Variants in NXPE3 observed in about 807,000 individuals in gnomAD.
NXPE3 encodes neurexophilin and PC-esterase domain family member 3, also known as NXPE family member 3.
In NXPE3, 26 loss-of-function variants were observed where a neutral mutation model predicts 46.1. That is an observed-to-expected ratio of 0.56 (90% CI 0.41 to 0.78). The LOEUF (loss-of-function observed/expected upper bound fraction) is 0.78, where lower values mean the gene tolerates loss of function less well. Ranked by LOEUF, NXPE3 falls within the 30% of genes least tolerant of loss-of-function variation. The pLI is 0.00. For synonymous variants in NXPE3, 272 were observed against 257.9 expected, an observed-to-expected ratio of 1.05 and a Z score of -0.52; for missense variants, 620 against 686.0, an observed-to-expected ratio of 0.90 and a Z score of 1.07.
At chr3:101,789,305 A>G (rs905908842) in intron 4 of NXPE3, among the ~76,000 whole-genome samples, 2 of 152,154 alleles carry the variant, frequency 1.3e-5, no homozygotes, top group Non-Finnish European at 2.9e-5. Flanking sequence ...GCACTTTGGG[A>G]GGCTGAGACA....
At position 101,785,699 on chromosome 3, in the gene NXPE3, C is replaced by A; in HGVS notation, c.93+10C>A. On this transcript the variant is annotated intron_variant, in intron 4 of 7. Coordinates refer to ENST00000273347, the MANE Select transcript of NXPE3 (RefSeq NM_145037.4). Reference sequence around the variant, plus strand: ...TGTTACTCAGGTAGAGGTGAGTACCCAGTATAATCCCTCATAACTAAGGGA... The same window carrying A: ...TGTTACTCAGGTAGAGGTGAGTACCAAGTATAATCCCTCATAACTAAGGGA... 6.2e-7 allele frequency: 1 copy of A among 1,602,936 alleles called. No individual in the cohort carries two copies. Among genetic ancestry groups the A allele is most frequent in the South Asian group, 1.1e-5 (1 of 90,850 alleles).
At chr3:101,814,516 G>A (rs1281703190) in intron 6 of NXPE3, among the ~76,000 whole-genome samples, 1 of 152,166 alleles carries the variant, frequency 6.6e-6, no homozygotes, top group Non-Finnish European at 1.5e-5. Flanking sequence ...GTGTCAAATA[G>A]AACATCATCT....
intron 6 of NXPE3, among the ~76,000 whole-genome samples, chr3:101,815,651 A>G (rs1435244713): frequency 1.3e-5 from 2 of 152,014 alleles, no homozygotes; most frequent in Non-Finnish European, 2.9e-5. Context: ...ATCACTTGAG[A>G]TCAGAAGTTT....
Position 101,827,596 on chromosome 3 carries a change from C to CAACT in NXPE3, c.*5643_*5646dup, listed in dbSNP as rs1165123064. On this transcript the variant is annotated 3_prime_UTR_variant, in exon 8 of 8. Coordinates refer to ENST00000273347, the MANE Select transcript of NXPE3 (RefSeq NM_145037.4). ...AGATGAGGTGAATCTAATGAGAAGG[C>CAACT]AACTCTAATGCCCATCAGGAGATTC... Among the ~76,000 whole-genome samples the CAACT allele has an allele frequency of 1.3e-5, 2 of 152,138 alleles. No individual in the cohort carries two copies. The highest frequency in any genetic ancestry group is 3.9e-4 in the East Asian group (2 of 5,178).
chr3:101,816,001 A>T (rs1474942113), intron 6 of NXPE3, among the ~76,000 whole-genome samples: 1 of 151,608 alleles, frequency 6.6e-6, no homozygotes, highest in Non-Finnish European at 1.5e-5. Context: ...TCTCGGAAAA[A>T]AAAAAAGCAA....
chr3:101,792,522 C>T (rs1031444481), intron 4 of NXPE3, among the ~76,000 whole-genome samples: 1 of 152,130 alleles, frequency 6.6e-6, no homozygotes, highest in Non-Finnish European at 1.5e-5. Context: ...AATAGGGAGT[C>T]TTTTCCTCAT....
In NXPE3 at chr3:101,822,184, C is replaced by CCCACCGAG; in HGVS notation, c.*230_*231insCCACCGAG. On this transcript the variant is annotated 3_prime_UTR_variant, in exon 8 of 8. Transcript: ENST00000273347. ...TTAGCCATGGTAGAACTCTTAACTG[C>CCCACCGAG]ATCTACACACTATATTGCTCTTGTA... is the stretch of plus-strand genomic sequence containing the variant. 2.1e-6 allele frequency: 1 copy of CCCACCGAG among 465,836 alleles called. No homozygotes were observed. The highest frequency in any genetic ancestry group is 3.8e-6 in the Non-Finnish European group (1 of 260,726). The allele number at this position is 465,836 out of a possible 1,614,324, so 28.9% of individuals were successfully genotyped here.
chr3:101,819,344 G>C (rs1942143617), intron 7 of NXPE3, among the ~76,000 whole-genome samples: 1 of 152,208 alleles, frequency 6.6e-6, no homozygotes, highest in Non-Finnish European at 1.5e-5. Context: ...AACAAGGACT[G>C]CCACTGATTC....
At chr3:101,815,765 G>T (rs1367874876) in intron 6 of NXPE3, among the ~76,000 whole-genome samples, 3 of 152,166 alleles carry the variant, frequency 2.0e-5, no homozygotes, top group African/African-American at 7.2e-5. Flanking sequence ...TTGGGAGGCC[G>T]AGGTGGGTGA....
At chr3:101,783,253 A>G (rs529852223) in intron 3 of NXPE3, among the ~76,000 whole-genome samples, 1 of 151,986 alleles carries the variant, frequency 6.6e-6, no homozygotes, top group Non-Finnish European at 1.5e-5. Flanking sequence ...AGTAGAGACA[A>G]GGTTTCACCA....
rs146727869 is a variant in NXPE3 at position 101,820,614 on chromosome 3, G to A, written c.1130-790G>A. ...CAGCGCTGTTCACGACAGCAAAGAC[G>A]TGGAATCAACCTAAATGCCCATCAG... On this transcript the variant is annotated intron_variant, in intron 7 of 7. Coordinates refer to ENST00000273347, the MANE Select transcript of NXPE3 (RefSeq NM_145037.4). 2.8e-3 allele frequency among the ~76,000 whole-genome samples: 428 copies of A among 152,286 alleles called. 3 individuals are homozygous for A. The highest frequency in any genetic ancestry group is 9.2e-3 in the African/African-American group (384 of 41,556).
In NXPE3 at chr3:101,809,766, G is replaced by A. The variant is rs556773522; in HGVS notation, c.922+2640G>A. On this transcript the variant is annotated intron_variant, in intron 6 of 7. Transcript: ENST00000273347. ...CAAATTGTTCCAGTTTTGGCAGTTG[G>A]GGAACACTTTCAGTTTGGCTTCTTT... Among the ~76,000 whole-genome samples the A allele has an allele frequency of 7.9e-5, 12 of 152,014 alleles. 1 individual carries two copies. Among genetic ancestry groups the A allele is most frequent in the Non-Finnish European group, 1.8e-4 (12 of 67,986 alleles).
chr3:101,802,208 C>T (rs917693569), intron 5 of NXPE3, among the ~76,000 whole-genome samples: 1 of 152,040 alleles, frequency 6.6e-6, no homozygotes, highest in African/African-American at 2.4e-5. Flanking sequence ...AAATTAAAGA[C>T]CTTTTACCCT....
At chr3:101,811,786 T>G (rs1941720990) in intron 6 of NXPE3, among the ~76,000 whole-genome samples, 1 of 143,906 alleles carries the variant, frequency 6.9e-6, no homozygotes, top group Non-Finnish European at 1.5e-5. Flanking sequence ...CAGGCTGGAG[T>G]GCAGTAGTGT....
At chr3:101,790,509 G>A (rs990608604) in intron 4 of NXPE3, among the ~76,000 whole-genome samples, 25 of 152,098 alleles carry the variant, frequency 1.6e-4, no homozygotes, top group African/African-American at 5.1e-4. Context: ...TCTTTGCTCC[G>A]AAATGTACTC....
rs71315258 is a variant in NXPE3, at chr3:101,800,000, A to G, written c.94-1235A>G. Among the ~76,000 whole-genome samples, 489 of 152,100 alleles carry G rather than the reference A, an allele frequency of 3.2e-3. 1 individual carries two copies. The highest frequency in any genetic ancestry group is 4.5e-3 in the Non-Finnish European group (303 of 67,976). ...GGCTTATCAATTTTATCAATCTTTT[A>G]AAAAACCAGCTTTGGGTTTCATTGA... On this transcript the variant is annotated intron_variant, in intron 4 of 7. Transcript: ENST00000273347.
chr3:101,795,147 A>G (rs1236471863), intron 4 of NXPE3, among the ~76,000 whole-genome samples: 9 of 152,214 alleles, frequency 5.9e-5, no homozygotes, highest in Non-Finnish European at 8.8e-5. Context: ...TTTCCATACT[A>G]TGCTTCTGAC....
chr3:101,796,632 T>G (rs1940844747), intron 4 of NXPE3, among the ~76,000 whole-genome samples: 1 of 152,222 alleles, frequency 6.6e-6, no homozygotes, highest in Non-Finnish European at 1.5e-5. Flanking sequence ...ATCAGTAAGT[T>G]AATAAAGGGA....
rs948573203 is a variant in NXPE3 at position 101,825,460 on chromosome 3, T to C, written c.*3506T>C. ...AAATGTATATTTCCCAATATAAATATAAGGGGCATCATAATTTTTAAAAAC... is the reference window on the plus strand; with the variant it reads ...AAATGTATATTTCCCAATATAAATACAAGGGGCATCATAATTTTTAAAAAC... On this transcript the variant is annotated 3_prime_UTR_variant, in exon 8 of 8. Coordinates refer to ENST00000273347, the MANE Select transcript of NXPE3 (RefSeq NM_145037.4). 2 of 152,206 alleles carry C rather than the reference T, an allele frequency of 1.3e-5. No homozygotes were observed. Among genetic ancestry groups the C allele is most frequent in the African/African-American group, 4.8e-5 (2 of 41,458 alleles). The allele number at this position is 152,206 out of a possible 1,614,324, so 9.4% of individuals were successfully genotyped here. A position where few individuals can be genotyped will look rare whatever the true frequency, so the allele number is the denominator to read the frequency against.
Sources: allele counts gnomAD v4.1 joint callset (sites outside exome capture counted in the v4.1 genomes callset), GRCh38; gene constraint gnomAD v4.1.1; transcripts MANE v1.5; gene names NCBI Gene and HGNC (gene_info 2026-07-23, HGNC 2026-07-21).